Variants in SLC6A11 observed in about 807,000 individuals in gnomAD.
SLC6A11 encodes the protein sodium- and chloride-dependent GABA transporter 3.
Under a neutral mutation model 74.8 loss-of-function variants are expected in SLC6A11, and 25 were observed. The ratio of observed to expected loss-of-function variants is 0.33; its 90% confidence interval spans 0.24 to 0.47. SLC6A11 has a LOEUF of 0.47. SLC6A11 is among the 20% of genes least tolerant of loss of function. The pLI, the probability that SLC6A11 is intolerant of heterozygous loss-of-function variation, is 1.00. For synonymous variants in SLC6A11, 330 were observed against 330.2 expected (o/e 1.00, Z 0.01); for missense variants, 574 against 837.0 (o/e 0.69, Z 3.88).
intron 7 of SLC6A11, among the ~76,000 whole-genome samples, chr3:10,913,294 G>C (rs563542642): frequency 3.1e-4 from 47 of 152,286 alleles, no homozygotes; most frequent in African/African-American, 1.0e-3. Flanking sequence ...AAAGAACTAA[G>C]TGGCAGATTG....
chr3:10,872,100 A>G (rs1018820235), intron 5 of SLC6A11, among the ~76,000 whole-genome samples: 17 of 152,172 alleles, frequency 1.1e-4, no homozygotes, highest in African/African-American at 3.4e-4. Context: ...CAGAGTCTGC[A>G]TGGCTGTCGT....
In SLC6A11 at chr3:10,816,325, G is replaced by A. The variant is rs890294669; in HGVS notation, c.60G>A (p.Glu20=). ...GGAAGGCTGCTGAGGAGGCGCGGGAGTCCGAGGCGCCGGGTGGCGGCTGCA... is the reference window on the plus strand; with the variant it reads ...GGAAGGCTGCTGAGGAGGCGCGGGAATCCGAGGCGCCGGGTGGCGGCTGCA... ...GNGKAAEEAR[E]SEAPGGGCSS... Residue 20 remains glutamate, a synonymous_variant, in exon 1 of 14, where the codon GAG becomes GAA. Transcript: ENST00000254488. This position sits in a 1 kb window ranked among gnomAD's most constrained non-coding sequence, Gnocchi z 4.2. 9 of 1,413,298 alleles carry A rather than the reference G, an allele frequency of 6.4e-6. No homozygotes were observed. In the African/African-American group the frequency reaches 1.2e-4, roughly 19 times the overall value. The allele number at this position is 1,413,298 out of a possible 1,614,324, so 87.5% of individuals were successfully genotyped here.
rs766670914 is a variant in SLC6A11, at chr3:10,819,551, A to G, written c.343A>G (p.Ser115Gly). 3.1e-6 allele frequency: 5 copies of G among 1,614,202 alleles called. No individual in the cohort carries two copies. The South Asian group carries it at 3.3e-5, about 11-fold the overall frequency. The change falls in exon 2 of 14, where the codon AGT (serine) becomes GGT (glycine). Residue 115 changes from serine (S) to glycine (G), a missense_variant. Around this residue, in one of 4 missense-constraint regions of SLC6A11, gnomAD observed 215 missense variants for 357.9 expected, o/e 0.60. Transcript: ENST00000254488. ...FLETALGQFT[S>G]EGGITCWRKV... ...GGAGACAGCTCTGGGGCAGTTCACAAGTGAAGGTGGCATTACGTGTTGGAG... is the reference window on the plus strand; with the variant it reads ...GGAGACAGCTCTGGGGCAGTTCACAGGTGAAGGTGGCATTACGTGTTGGAG...
chr3:10,862,803 C>T (rs184050759), intron 5 of SLC6A11, among the ~76,000 whole-genome samples: 1 of 152,364 alleles, frequency 6.6e-6, no homozygotes. Flanking sequence ...ATCCTGTGAA[C>T]TGTCAGTCAT....
chr3:10,927,702 G>T (rs945637618), intron 9 of SLC6A11, among the ~76,000 whole-genome samples: 2 of 152,208 alleles, frequency 1.3e-5, no homozygotes, highest in African/African-American at 4.8e-5. Context: ...CGAGGCCATA[G>T]CCTGGGCTTG....
intron 6 of SLC6A11, among the ~76,000 whole-genome samples, chr3:10,910,819 A>ATT (rs67011478): frequency 0.27 from 34,205 of 126,202 alleles, 5,754 homozygotes; most frequent in Non-Finnish European, 0.38. Context: ...GTTGCTGTGA[A>ATT]TTTTTTTTTT....
chr3:10,923,269 G>C (rs1411327222), intron 8 of SLC6A11, among the ~76,000 whole-genome samples: 1 of 148,070 alleles, frequency 6.8e-6, no homozygotes, highest in Non-Finnish European at 1.5e-5. Flanking sequence ...AAAAAACACA[G>C]GGCTCCTTGG....
chr3:10,893,829 T>TTTTGATACAC (rs1395998218), intron 6 of SLC6A11, among the ~76,000 whole-genome samples: 1 of 152,226 alleles, frequency 6.6e-6, no homozygotes, highest in Admixed American at 6.5e-5. Flanking sequence ...CTATTTTATT[T>TTTTGATACAC]TTTGATACAC....
intron 4 of SLC6A11, among the ~76,000 whole-genome samples, chr3:10,836,017 C>G (rs987229319): frequency 6.6e-6 from 1 of 152,190 alleles, no homozygotes; most frequent in African/African-American, 2.4e-5. Flanking sequence ...GCCCATTCAC[C>G]ATTAATCTCC....
intron 6 of SLC6A11, among the ~76,000 whole-genome samples, chr3:10,888,964 G>A (rs1048726045): frequency 6.6e-6 from 1 of 152,184 alleles, no homozygotes; most frequent in Admixed American, 6.5e-5. Flanking sequence ...GTGGGGTGGA[G>A]GTTGGGTGGG....
intron 5 of SLC6A11, among the ~76,000 whole-genome samples, chr3:10,847,026 A>G (rs1470910686): frequency 1.3e-5 from 2 of 152,122 alleles, no homozygotes; most frequent in Non-Finnish European, 2.9e-5. Flanking sequence ...ATCAGTAGTA[A>G]TGGTTAATAT....
chr3:10,865,956 A>G (rs2106597707), intron 5 of SLC6A11, among the ~76,000 whole-genome samples: 1 of 152,312 alleles, frequency 6.6e-6, no homozygotes, highest in Non-Finnish European at 1.5e-5. Context: ...GGACCCACCC[A>G]AGATCACAGA....
At chr3:10,891,505 A>G (rs1217401643) in intron 6 of SLC6A11, among the ~76,000 whole-genome samples, 3 of 152,196 alleles carry the variant, frequency 2.0e-5, no homozygotes, top group African/African-American at 7.2e-5. Flanking sequence ...CCATAGTTTT[A>G]TATTCTGACA....
In SLC6A11 at chr3:10,935,218, G is replaced by A. The variant is rs770538362; in HGVS notation, c.1746+19G>A. 43 of 1,612,508 alleles carry A rather than the reference G, an allele frequency of 2.7e-5. 1 individual carries two copies. The highest frequency in any genetic ancestry group is 2.8e-5 in the Non-Finnish European group (33 of 1,178,934). Reference sequence around the variant, plus strand: ...GCCCGAGGTGAGACCGCCCCAGGAGGGCTGGTGCGTTTGGGCAGGGTTCGC... The same window carrying A: ...GCCCGAGGTGAGACCGCCCCAGGAGAGCTGGTGCGTTTGGGCAGGGTTCGC... On this transcript the variant is annotated intron_variant, in intron 13 of 13. Coordinates refer to ENST00000254488, the MANE Select transcript of SLC6A11 (RefSeq NM_014229.3).
chr3:10,843,841 A>G (rs1483402116), intron 4 of SLC6A11, among the ~76,000 whole-genome samples: 1 of 152,170 alleles, frequency 6.6e-6, no homozygotes, highest in African/African-American at 2.4e-5. Context: ...GGCCCCCCTC[A>G]AGTTTGGCAG....
chr3:10,822,904 C>T (rs1390530598), intron 3 of SLC6A11, among the ~76,000 whole-genome samples: 2 of 152,200 alleles, frequency 1.3e-5, no homozygotes, highest in African/African-American at 4.8e-5. Flanking sequence ...GCATTACTGC[C>T]CCAAGGTCAC....
intron 4 of SLC6A11, chr3:10,824,967 T>TGAGGTCAG (rs1399052668): frequency 1.3e-5 from 2 of 152,196 alleles, no homozygotes; most frequent in Non-Finnish European, 2.9e-5. Context: ...GCGGATCACC[T>TGAGGTCAG]GAGGTCAGGA....
Position 10,938,238 on chromosome 3 carries a change from C to G in SLC6A11, c.1747-12C>G. On this transcript the variant is annotated splice_polypyrimidine_tract_variant and intron_variant, in intron 13 of 13. Coordinates refer to ENST00000254488, the MANE Select transcript of SLC6A11 (RefSeq NM_014229.3). ...AATCACTCAGATCTTCCCCTCCTCT[C>G]CAACCATCCAGAAACTCCAGAAGTT... 1 of 1,583,126 alleles carries G rather than the reference C, an allele frequency of 6.3e-7. No homozygotes were observed. Among genetic ancestry groups the G allele is most frequent in the Non-Finnish European group, 8.6e-7 (1 of 1,159,072 alleles).
At position 10,897,579 on chromosome 3, in the gene SLC6A11, A is replaced by G. The variant is rs115409535; in HGVS notation, c.892-14511A>G. ...GATCTCCTTTGAATCCATGTCTCCTATCCAGGTCATGCTAATCCAAGAGGT... is the reference window on the plus strand; with the variant it reads ...GATCTCCTTTGAATCCATGTCTCCTGTCCAGGTCATGCTAATCCAAGAGGT... On this transcript the variant is annotated intron_variant, in intron 6 of 13. Coordinates refer to ENST00000254488, the MANE Select transcript of SLC6A11 (RefSeq NM_014229.3). 8.0e-3 allele frequency among the ~76,000 whole-genome samples: 1,216 copies of G among 152,314 alleles called. 22 individuals are homozygous for G. The highest frequency in any genetic ancestry group is 0.028 in the African/African-American group (1,155 of 41,564).
Sources: allele counts gnomAD v4.1 joint callset (sites outside exome capture counted in the v4.1 genomes callset), GRCh38; gene constraint gnomAD v4.1.1; regional missense constraint gnomAD v4.1.1; non-coding constraint Gnocchi (gnomAD v3.1); transcripts MANE v1.5; gene names NCBI Gene and HGNC (gene_info 2026-07-23, HGNC 2026-07-21).